UTS2: variants seen among roughly 807,000 people sequenced by gnomAD.
The protein encoded by UTS2 is urotensin-2.
A neutral mutation model predicts 12.6 loss-of-function variants in UTS2; 10 were observed. That is an observed-to-expected ratio of 0.80 (90% confidence interval 0.49 to 1.35). UTS2 has a LOEUF of 1.35. Among genes scored for constraint, UTS2 ranks in the 40% most tolerant of loss-of-function variants. The probability of loss-of-function intolerance (pLI) is 0.00; values close to 1 mark genes in which losing one functional copy is unlikely to be tolerated. For synonymous variants in UTS2, 52 were observed against 50.0 expected (o/e 1.04, Z -0.17); for missense variants, 142 against 143.2 (o/e 0.99, Z 0.04).
chr1:7,899,048 A>G, the UTS2 span, among the ~76,000 whole-genome samples: 71 of 152,318 alleles, frequency 4.7e-4, no homozygotes, highest in Admixed American at 2.3e-3. Flanking sequence ...AAGGGGAAAC[A>G]GGCACATCTT....
the UTS2 span, among the ~76,000 whole-genome samples, chr1:7,890,970 C>CCCCA: frequency 1.3e-5 from 2 of 150,780 alleles, no homozygotes; most frequent in Non-Finnish European, 3.0e-5. Flanking sequence ...ACCCTCCACC[C>CCCCA]CCCCCCACAA....
chr1:7,851,787 G>A (rs1213076985), intron 1 of UTS2, among the ~76,000 whole-genome samples: 1 of 152,172 alleles, frequency 6.6e-6, no homozygotes, highest in African/African-American at 2.4e-5. Context: ...CACATTTCTG[G>A]AGAAATAAAT....
the UTS2 span, among the ~76,000 whole-genome samples, chr1:7,890,021 C>G: frequency 6.6e-6 from 1 of 151,286 alleles, no homozygotes; most frequent in Admixed American, 6.6e-5. Context: ...GAGTGGAGAT[C>G]GCGCCGCTGC....
At chr1:7,906,283 G>T in the UTS2 span, among the ~76,000 whole-genome samples, 11 of 151,664 alleles carry the variant, frequency 7.3e-5, no homozygotes, top group African/African-American at 2.7e-4. Flanking sequence ...CTGCAAAGAT[G>T]CTGGTTTCAC....
chr1:7,890,376 C>T, the UTS2 span, among the ~76,000 whole-genome samples: 1 of 152,008 alleles, frequency 6.6e-6, no homozygotes, highest in African/African-American at 2.4e-5. Context: ...TCCCTAAGGG[C>T]CATGGACAGA....
the UTS2 span, among the ~76,000 whole-genome samples, chr1:7,864,300 C>T: frequency 6.6e-6 from 1 of 152,188 alleles, no homozygotes; most frequent in Admixed American, 6.5e-5. Context: ...GGAACGGATA[C>T]TCCACAACAT....
At chr1:7,891,533 A>G in the UTS2 span, among the ~76,000 whole-genome samples, 1 of 136,672 alleles carries the variant, frequency 7.3e-6, no homozygotes, top group Non-Finnish European at 1.6e-5. Context: ...CTAAGAAAGA[A>G]AGAAAAGAAA....
the UTS2 span, among the ~76,000 whole-genome samples, chr1:7,871,279 G>A: frequency 7.2e-5 from 11 of 152,222 alleles, no homozygotes; most frequent in African/African-American, 2.7e-4. Context: ...GGCCAGCCGT[G>A]AGGGCCAGCC....
the UTS2 span, among the ~76,000 whole-genome samples, chr1:7,890,214 A>G: frequency 1.3e-5 from 2 of 152,098 alleles, no homozygotes; most frequent in African/African-American, 4.8e-5. Context: ...AATAATAAAA[A>G]CAAAATCAAC....
At chr1:7,885,895 TGGGGGGGTGGGGTGGG>T in the UTS2 span, among the ~76,000 whole-genome samples, 3 of 3,960 alleles carry the variant, frequency 7.6e-4, no homozygotes, top group East Asian at 0.011. Flanking sequence ...CAGGTGGTGG[TGGGGGGGTGGGGTGGG>T]GGGGGGCGGG....
upstream of UTS2, among the ~76,000 whole-genome samples, chr1:7,856,820 G>T (rs975190819): frequency 6.6e-6 from 1 of 152,120 alleles, no homozygotes; most frequent in African/African-American, 2.4e-5. Context: ...CAGCACTTTG[G>T]GGGGCCGAGG....
chr1:7,851,816 A>T (rs561725690), intron 1 of UTS2, among the ~76,000 whole-genome samples: 85 of 152,338 alleles, frequency 5.6e-4, no homozygotes, highest in African/African-American at 2.0e-3. Flanking sequence ...ATTCTGCGAT[A>T]AGCTGCCACT....
chr1:7,880,430 A>T, the UTS2 span, among the ~76,000 whole-genome samples: 1 of 41,916 alleles, frequency 2.4e-5, no homozygotes, highest in African/African-American at 8.0e-5. Flanking sequence ...GGGAGGGGGG[A>T]GGGGGGCGGC....
chr1:7,860,515 G>A, the UTS2 span, among the ~76,000 whole-genome samples: 1 of 152,126 alleles, frequency 6.6e-6, no homozygotes, highest in Non-Finnish European at 1.5e-5. Flanking sequence ...TTTAAAATGA[G>A]ATAGGAGGTC....
chr1:7,851,181 C>T (rs967523536), intron 1 of UTS2, among the ~76,000 whole-genome samples: 3 of 152,186 alleles, frequency 2.0e-5, no homozygotes, highest in African/African-American at 4.8e-5. Context: ...CTGCCTCGAA[C>T]AAGAGCTGAG....
chr1:7,876,352 C>T, the UTS2 span, among the ~76,000 whole-genome samples: 2 of 152,318 alleles, frequency 1.3e-5, no homozygotes, highest in East Asian at 3.9e-4. Flanking sequence ...CTTGCTACCA[C>T]CAGCACTTGC....
the UTS2 span, among the ~76,000 whole-genome samples, chr1:7,870,021 G>T: frequency 6.6e-6 from 1 of 152,218 alleles, no homozygotes; most frequent in Non-Finnish European, 1.5e-5. Flanking sequence ...GTGCCGAGCT[G>T]AACTGGGCCA....
At chr1:7,850,207 T>C (rs1394308625) in intron 2 of UTS2, among the ~76,000 whole-genome samples, 1 of 152,056 alleles carries the variant, frequency 6.6e-6, no homozygotes, top group African/African-American at 2.4e-5. Flanking sequence ...TGACTTCAAG[T>C]GATCCGCCCA....
At chr1:7,887,040 C>CAAAAAAAA in the UTS2 span, among the ~76,000 whole-genome samples, 10 of 34,726 alleles carry the variant, frequency 2.9e-4, no homozygotes, top group African/African-American at 1.1e-3. Context: ...GACTCCGTCT[C>CAAAAAAAA]AAAAAAAAAA....
Sources: gnomAD v4.1 joint callset for allele counts (sites outside exome capture counted in the v4.1 genomes callset) on GRCh38, gnomAD v4.1.1 for gene constraint, MANE v1.5 for transcripts, NCBI Gene and HGNC (gene_info 2026-07-23, HGNC 2026-07-21) for gene names.